The following DNMT3A variants were observed in gnomAD, a reference collection of about 807,000 sequenced individuals.
DNMT3A encodes the protein DNA (cytosine-5)-methyltransferase 3A.
DNMT3A carries 267 observed loss-of-function variants against 117.6 expected under a neutral mutation model. The ratio of observed to expected loss-of-function variants is 2.27; its 90% CI spans 2.05 to 2.51. DNMT3A has a LOEUF of 2.51. Among genes scored for constraint, DNMT3A ranks in the 30% most tolerant of loss-of-function variants. The pLI, the probability that DNMT3A is intolerant of heterozygous loss-of-function variation, is 0.00. For synonymous variants in DNMT3A, 432 were observed against 474.8 expected (o/e 0.91, Z 1.17); for missense variants, 1,029 against 1,260.2 (o/e 0.82, Z 2.78).
chr2:25,240,288 G>A lies in DNMT3A; in HGVS notation c.2322+14C>T. On this transcript the variant is annotated intron_variant, in intron 19 of 22. Transcript: ENST00000321117. The stretch of plus-strand genomic sequence containing the variant: ...CCATTAGTGAGCTGGCCAAACCAAG[G>A]TTGCTGGCTATACCTCGAGAAATCG... 1.2e-6 allele frequency: 2 copies of A among 1,614,132 alleles called. No homozygotes were observed. Among genetic ancestry groups the A allele is most frequent in the South Asian group, 1.1e-5 (1 of 91,078 alleles).
chr2:25,319,316 T>C (rs544693315), intron 1 of DNMT3A, among the ~76,000 whole-genome samples: 7 of 149,368 alleles, frequency 4.7e-5, no homozygotes, highest in Non-Finnish European at 9.0e-5. Context: ...GCCCGGGGTC[T>C]TTTTTTTTTC....
At chr2:25,300,712 A>ATAAT (rs1491509599) in intron 2 of DNMT3A, among the ~76,000 whole-genome samples, 8 of 18,922 alleles carry the variant, frequency 4.2e-4, no homozygotes, top group African/African-American at 1.4e-3. Context: ...TAAATAATAT[A>ATAAT]ATATATATAT....
intron 15 of DNMT3A, 84 bp from the exon 16 acceptor site, chr2:25,244,066 T>C: frequency 6.3e-7 from 1 of 1,590,062 alleles, no homozygotes; most frequent in Non-Finnish European, 8.6e-7. Context: ...GCCAGGCTCC[T>C]AGACCCACAC....
rs1037754680 is a variant in DNMT3A, at chr2:25,313,841, G to T, written c.72+72C>A. The stretch of plus-strand genomic sequence containing the variant: ...GGTCATGCACTCAGTATGAGGAGCC[G>T]GCTGTCATCACATAGGGACAGGGCT... On this transcript the variant is annotated intron_variant, in intron 2 of 22. Transcript: ENST00000321117. 7.1e-6 allele frequency: 11 copies of T among 1,546,334 alleles called. No homozygotes were observed. The African/African-American group carries it at 1.4e-4, about 19-fold the overall frequency.
intron 1 of DNMT3A, among the ~76,000 whole-genome samples, chr2:25,322,023 T>C (rs1210978375): frequency 6.6e-6 from 1 of 152,206 alleles, no homozygotes; most frequent in Non-Finnish European, 1.5e-5. Context: ...AATGTCTAAA[T>C]AGATGAATCA....
At chr2:25,251,158 G>T (rs1336706909) in intron 6 of DNMT3A, among the ~76,000 whole-genome samples, 1 of 144,484 alleles carries the variant, frequency 6.9e-6, no homozygotes, top group Non-Finnish European at 1.5e-5. Context: ...AGAAGCGGGG[G>T]GGGGGGTGGG....
rs1171930581 is a variant in DNMT3A at position 25,326,101 on chromosome 2, GAT to G, written c.-177-11942_-177-11941del. ...GGTTTTGCACATTTTCTATTAACTTGATATATATGTGTGTGTGTGTGTGTGTG... is the reference window on the plus strand; with the variant it reads ...GGTTTTGCACATTTTCTATTAACTTGATATATGTGTGTGTGTGTGTGTGTG... On this transcript the variant is annotated intron_variant, in intron 1 of 22. Transcript: ENST00000321117. Among the ~76,000 whole-genome samples the G allele has an allele frequency of 6.8e-3, 752 of 110,280 alleles. 2 individuals carry two copies. Among genetic ancestry groups the G allele is most frequent in the Non-Finnish European group, 8.2e-3 (453 of 55,300 alleles). The allele number at this position is 110,280 out of a possible 152,430, so 72.3% of individuals were successfully genotyped here.
intron 1 of DNMT3A, among the ~76,000 whole-genome samples, chr2:25,325,395 C>G (rs1035073540): frequency 1.3e-5 from 2 of 152,158 alleles, no homozygotes; most frequent in African/African-American, 2.4e-5. Flanking sequence ...TGGCAGTGAC[C>G]AGCATGGGTC....
At chr2:25,338,681 G>C (rs2035301599) in intron 1 of DNMT3A, among the ~76,000 whole-genome samples, 1 of 152,192 alleles carries the variant, frequency 6.6e-6, no homozygotes, top group Admixed American at 6.5e-5. Context: ...ATCACAAACT[G>C]AGAGCGGGGA....
At chr2:25,315,780 C>G (rs1251448006) in intron 1 of DNMT3A, among the ~76,000 whole-genome samples, 1 of 152,226 alleles carries the variant, frequency 6.6e-6, no homozygotes, top group Non-Finnish European at 1.5e-5. Context: ...CAAAAGAGAA[C>G]TGGTCCAACC....
intron 1 of DNMT3A, among the ~76,000 whole-genome samples, chr2:25,323,253 G>T (rs1358037846): frequency 1.3e-5 from 2 of 152,190 alleles, no homozygotes; most frequent in Admixed American, 1.3e-4. Context: ...TGAGAACGAA[G>T]AGCTCAGAGA....
At chr2:25,241,215 C>T (rs1470000899) in intron 17 of DNMT3A, among the ~76,000 whole-genome samples, 1 of 152,208 alleles carries the variant, frequency 6.6e-6, no homozygotes, top group Non-Finnish European at 1.5e-5. Flanking sequence ...AAGAGCTCTA[C>T]TAGAAACTGT....
Position 25,300,675 on chromosome 2 carries a change from A to ATC in DNMT3A, c.73-433_73-432insGA, listed in dbSNP as rs1282707830. On this transcript the variant is annotated intron_variant, in intron 2 of 22. Transcript: ENST00000321117. ...TATCTAAATAATATATTATTTAGAT[A>ATC]TATATTTAGATATATATTTATATAT... Among the ~76,000 whole-genome samples the ATC allele has an allele frequency of 1.5e-3, 107 of 70,024 alleles. 2 individuals carry two copies. The highest frequency in any genetic ancestry group is 6.2e-3 in the African/African-American group (100 of 16,200). 45.9% of individuals were successfully genotyped at this position (70,024 alleles called of 152,430 possible). A position where few individuals can be genotyped will look rare whatever the true frequency, so the allele number is the denominator to read the frequency against.
At position 25,234,178 on chromosome 2, in the gene DNMT3A, T is replaced by TA; in HGVS notation, c.*100dup. On this transcript the variant is annotated 3_prime_UTR_variant, in exon 23 of 23. Coordinates refer to ENST00000321117, the MANE Select transcript of DNMT3A (RefSeq NM_022552.5). This position sits in a 1 kb window ranked among gnomAD's most constrained non-coding sequence, Gnocchi z 4.5. ...TTCCTTTTTCTCTTCTGGGTGCTGATACTTCTCTCCATCCTCATGTTCTTG... is the reference window on the plus strand; with the variant it reads ...TTCCTTTTTCTCTTCTGGGTGCTGATAACTTCTCTCCATCCTCATGTTCTTG... 1 of 1,493,522 alleles carries TA rather than the reference T, an allele frequency of 6.7e-7. No homozygotes were observed. The highest frequency in any genetic ancestry group is 9.0e-7 in the Non-Finnish European group (1 of 1,115,708). 92.5% of individuals were successfully genotyped at this position (1,493,522 alleles called of 1,614,324 possible).
At chr2:25,273,195 C>T (rs944368600) in intron 6 of DNMT3A, among the ~76,000 whole-genome samples, 2 of 152,018 alleles carry the variant, frequency 1.3e-5, no homozygotes, top group Non-Finnish European at 2.9e-5. Flanking sequence ...AGACTGGTCT[C>T]GAACTCCTGA....
rs1553410528 is a variant in DNMT3A at position 25,240,305 on chromosome 2, G to C, written c.2319C>G (p.Leu773=). ...AAACCAAGGTTGCTGGCTATACCTC[G>C]AGAAATCGCGAGATGTCCCTCTTGT... The part of the protein sequence containing the change: ...VSDKRDISRF[L]ESNPVMIDAK... The change falls in exon 19 of 23, where the codon CTC becomes CTG. Residue 773 remains leucine, a synonymous_variant. Coordinates refer to ENST00000321117, the MANE Select transcript of DNMT3A (RefSeq NM_022552.5). 1 of 1,614,164 alleles carries C rather than the reference G, an allele frequency of 6.2e-7. No individual in the cohort carries two copies. The highest frequency in any genetic ancestry group is 1.7e-5 in the Admixed American group (1 of 60,026).
rs924585234 is a variant in DNMT3A at position 25,232,372 on chromosome 2, G to T, written c.*1907C>A. On this transcript the variant is annotated 3_prime_UTR_variant, in exon 23 of 23. Coordinates refer to ENST00000321117, the MANE Select transcript of DNMT3A (RefSeq NM_022552.5). The surrounding 1 kb of genome is among the most constrained non-coding windows in gnomAD (Gnocchi z 4.1). Reference sequence around the variant, plus strand: ...CCCTTCCTACTACTGACGCCAGGCCGCCTGCCTTGTAGGAAGTAGAACAAA... The same window carrying T: ...CCCTTCCTACTACTGACGCCAGGCCTCCTGCCTTGTAGGAAGTAGAACAAA... 6.6e-6 allele frequency: 1 copy of T among 152,230 alleles called. No homozygotes were observed. The allele number at this position is 152,230 out of a possible 1,614,324, so 9.4% of individuals were successfully genotyped here.
At position 25,281,856 on chromosome 2, in the gene DNMT3A, C is replaced by T. The variant is rs2031904571; in HGVS notation, c.448+585G>A. 5 of 1,069,320 alleles carry T rather than the reference C, an allele frequency of 4.7e-6. No individual in the cohort carries two copies. Among genetic ancestry groups the T allele is most frequent in the Non-Finnish European group, 5.7e-6 (5 of 881,734 alleles). The allele number at this position is 1,069,320 out of a possible 1,614,324, so 66.2% of individuals were successfully genotyped here. ...AGTACACAGAATACAATCACCCAGC[C>T]CTCTCCCCACGCCACTGTCACAACC... On this transcript the variant is annotated intron_variant, in intron 4 of 22. Transcript: ENST00000321117. The surrounding 1 kb of genome is among the most constrained non-coding windows in gnomAD (Gnocchi z 4.8).
chr2:25,260,918 CAA>C (rs1392132585), intron 6 of DNMT3A, among the ~76,000 whole-genome samples: 2 of 152,062 alleles, frequency 1.3e-5, no homozygotes, highest in Admixed American at 6.6e-5. Context: ...CACTTGAGCC[CAA>C]GAGTCCAAGG....
Sources: allele counts gnomAD v4.1 joint callset (sites outside exome capture counted in the v4.1 genomes callset), GRCh38; gene constraint gnomAD v4.1.1; non-coding constraint Gnocchi (gnomAD v3.1); transcripts MANE v1.5; gene names NCBI Gene and HGNC (gene_info 2026-07-23, HGNC 2026-07-21).